AOPEP: variants seen among roughly 807,000 people sequenced by gnomAD.
AOPEP encodes the protein aminopeptidase O.
AOPEP carries 77 observed loss-of-function variants against 98.1 expected under a neutral mutation model. The ratio of observed to expected loss-of-function variants is 0.78; its 90% confidence interval spans 0.65 to 0.95. The LOEUF is 0.95. Ranked by LOEUF, AOPEP falls within the 40% of genes least tolerant of loss-of-function variation. The pLI, the probability that AOPEP is intolerant of heterozygous loss-of-function variation, is 0.00. For missense variants in AOPEP, 1,024 were observed against 1,024.7 expected, an observed-to-expected ratio of 1.00 and a Z score of 0.01; for synonymous variants, 346 against 365.3, an observed-to-expected ratio of 0.95 and a Z score of 0.60.
At chr9:94,798,700 A>T in intron 4 of AOPEP, among the ~76,000 whole-genome samples, 1 of 152,228 alleles carries the variant, frequency 6.6e-6, no homozygotes, top group East Asian at 1.9e-4. Flanking sequence ...AAAGCTTTGC[A>T]ATAGAGATTA....
intron 5 of AOPEP, among the ~76,000 whole-genome samples, chr9:94,923,046 A>G (rs2053843224): frequency 1.3e-5 from 2 of 152,202 alleles, no homozygotes; most frequent in Admixed American, 6.5e-5. Flanking sequence ...AGGTTTCACA[A>G]CTGTTTTTGT....
rs559157890 is a variant in AOPEP, at chr9:94,802,171, GA to G, written c.1364+1170del. On this transcript the variant is annotated intron_variant, in intron 5 of 16. Transcript: ENST00000375315. ...TCTATATATAGAATTTTTCTTAATG[GA>G]GGGGGGGGCTTCTTTTGTCCCTTTG... is the stretch of plus-strand genomic sequence containing the variant. 5.1e-3 allele frequency among the ~76,000 whole-genome samples: 780 copies of G among 152,138 alleles called. 3 individuals are homozygous for G. Among genetic ancestry groups the G allele is most frequent in the African/African-American group, 0.017 (709 of 41,454 alleles).
At chr9:94,905,234 C>CT (rs5899236) in intron 5 of AOPEP, among the ~76,000 whole-genome samples, 5,545 of 152,238 alleles carry the variant, frequency 0.036, 273 homozygotes, top group African/African-American at 0.11. Context: ...TCTTCTCATC[C>CT]TTTTTTTCCT....
At chr9:94,940,612 TAATAAAATAA>T (rs1554776925) in intron 7 of AOPEP, among the ~76,000 whole-genome samples, 2 of 151,728 alleles carry the variant, frequency 1.3e-5, no homozygotes, top group African/African-American at 4.9e-5. Context: ...AATAAATAAA[TAATAAAATAA>T]AATAAAATAG....
At chr9:94,728,713 C>G (rs543803531) in intron 1 of AOPEP, among the ~76,000 whole-genome samples, 1 of 152,176 alleles carries the variant, frequency 6.6e-6, no homozygotes, top group East Asian at 1.9e-4. Context: ...AAGCAAGGTC[C>G]CAGAGGCCAC....
the AOPEP span, chr9:95,149,979 T>A: frequency 6.2e-7 from 1 of 1,613,086 alleles, no homozygotes. Context: ...TTTCCTGAGG[T>A]TCACGTCCAT....
At chr9:95,118,797 G>C in the AOPEP span, among the ~76,000 whole-genome samples, 2 of 152,168 alleles carry the variant, frequency 1.3e-5, no homozygotes, top group Non-Finnish European at 2.9e-5. Context: ...ATATGCCATA[G>C]TCTGTTTAGC....
intron 5 of AOPEP, among the ~76,000 whole-genome samples, chr9:94,919,298 T>G (rs1046603161): frequency 6.6e-6 from 1 of 152,254 alleles, no homozygotes; most frequent in Non-Finnish European, 1.5e-5. Flanking sequence ...GTTTCCACTT[T>G]AGGCTACTGA....
At chr9:94,760,751 C>G (rs2132476942) in intron 2 of AOPEP, 171 bp downstream of exon 2, 1 of 511,846 alleles carries the variant, frequency 2.0e-6, no homozygotes. Context: ...CCCAGGCATG[C>G]TAAACCCTTA....
intron 5 of AOPEP, among the ~76,000 whole-genome samples, chr9:94,891,630 T>C (rs754911556): frequency 2.6e-5 from 4 of 152,172 alleles, no homozygotes; most frequent in Non-Finnish European, 5.9e-5. Flanking sequence ...GCAGAACTCT[T>C]CCATTTAGAT....
At chr9:94,815,149 A>G (rs1851424723) in intron 5 of AOPEP, among the ~76,000 whole-genome samples, 1 of 152,200 alleles carries the variant, frequency 6.6e-6, no homozygotes, top group African/African-American at 2.4e-5. Context: ...CTTAGGAAAC[A>G]ACACTGCCAA....
intron 13 of AOPEP, among the ~76,000 whole-genome samples, chr9:95,007,420 A>G (rs1228656844): frequency 6.6e-6 from 1 of 152,020 alleles, no homozygotes; most frequent in African/African-American, 2.4e-5. Flanking sequence ...ACCTTGCAGG[A>G]GAATGAAGTT....
At chr9:95,139,482 G>C in the AOPEP span, among the ~76,000 whole-genome samples, 1 of 152,136 alleles carries the variant, frequency 6.6e-6, no homozygotes, top group Non-Finnish European at 1.5e-5. Context: ...CCTTATATAT[G>C]ATAAGGACAA....
intron 7 of AOPEP, chr9:94,933,774 G>GGA (rs1403893160): frequency 1.6e-6 from 1 of 614,118 alleles, no homozygotes; most frequent in Admixed American, 6.4e-5. Context: ...TTGAGACAGA[G>GGA]TGTCGCTCTG....
intron 4 of AOPEP, among the ~76,000 whole-genome samples, chr9:94,798,896 G>T (rs577142954): frequency 6.6e-6 from 1 of 152,174 alleles, no homozygotes; most frequent in Non-Finnish European, 1.5e-5. Flanking sequence ...TCACCAACAG[G>T]CACCTTGACT....
chr9:95,136,337 C>T, the AOPEP span, among the ~76,000 whole-genome samples: 1 of 152,050 alleles, frequency 6.6e-6, no homozygotes, highest in African/African-American at 2.4e-5. Context: ...AGGCTGTGTT[C>T]ACGTCACTGC....
At chr9:94,818,567 A>T (rs1169723237) in intron 5 of AOPEP, among the ~76,000 whole-genome samples, 1 of 152,230 alleles carries the variant, frequency 6.6e-6, no homozygotes, top group African/African-American at 2.4e-5. Flanking sequence ...TCAAGGCTGT[A>T]GCTTGAACTT....
the AOPEP span, among the ~76,000 whole-genome samples, chr9:95,128,772 C>T: frequency 7.2e-5 from 11 of 152,324 alleles, no homozygotes; most frequent in African/African-American, 1.9e-4. Context: ...TTCTTTCTTT[C>T]CAAATATTTC....
chr9:95,097,511 G>T, the AOPEP span, among the ~76,000 whole-genome samples: 1 of 152,230 alleles, frequency 6.6e-6, no homozygotes, highest in Non-Finnish European at 1.5e-5. Flanking sequence ...GTCCGGAAGG[G>T]CTGGGCAGCA....
Sources: gnomAD v4.1 joint callset for allele counts (sites outside exome capture counted in the v4.1 genomes callset) on GRCh38, gnomAD v4.1.1 for gene constraint, MANE v1.5 for transcripts, NCBI Gene and HGNC (gene_info 2026-07-23, HGNC 2026-07-21) for gene names.